CDH13: variants seen among roughly 807,000 people sequenced by gnomAD.
CDH13 encodes cadherin-13.
CDH13 carries 24 observed loss-of-function variants against 63.8 expected under a neutral mutation model. That is an observed-to-expected ratio of 0.38 (90% CI 0.27 to 0.53). The LOEUF (loss-of-function observed/expected upper bound fraction) is 0.53. Among genes scored for constraint, CDH13 ranks in the 20% least tolerant of loss-of-function variants. The pLI, the probability that CDH13 is intolerant of heterozygous loss-of-function variation, is 0.85. For synonymous variants in CDH13, 503 were observed against 355.3 expected (o/e 1.42, Z -4.67); for missense variants, 1,049 against 903.1 (o/e 1.16, Z -2.07).
At chr16:83,152,098 A>AG (rs2037007539) in intron 4 of CDH13, among the ~76,000 whole-genome samples, 1 of 152,340 alleles carries the variant, frequency 6.6e-6, no homozygotes, top group Non-Finnish European at 1.5e-5. Context: ...AGGAAAAAAA[A>AG]GAGCTGAAGT....
chr16:83,739,978 G>C (rs1378290774), intron 10 of CDH13: 1 of 152,182 alleles, frequency 6.6e-6, no homozygotes, highest in East Asian at 1.9e-4. Context: ...ATCCAGAGTG[G>C]CTTCTCTAGG....
At chr16:83,672,441 T>G in intron 9 of CDH13, among the ~76,000 whole-genome samples, 1 of 127,060 alleles carries the variant, frequency 7.9e-6, no homozygotes, top group East Asian at 2.4e-4. Context: ...TTTTTTTTTT[T>G]TTGAGACAGA....
chr16:83,020,345 T>C (rs191375791), intron 2 of CDH13, among the ~76,000 whole-genome samples: 1 of 152,260 alleles, frequency 6.6e-6, no homozygotes, highest in East Asian at 1.9e-4. Context: ...TCTGGCCTCT[T>C]TAATTATTAA....
chr16:83,308,965 G>A (rs2089940629), intron 5 of CDH13, among the ~76,000 whole-genome samples: 1 of 152,036 alleles, frequency 6.6e-6, no homozygotes. Flanking sequence ...AGGGCACCAG[G>A]TCACACTGGG....
chr16:82,743,560 A>C (rs954879182), intron 1 of CDH13, among the ~76,000 whole-genome samples: 5 of 152,212 alleles, frequency 3.3e-5, no homozygotes, highest in Admixed American at 6.5e-5. Context: ...ATCTGTTGGA[A>C]CAAATGCTCC....
chr16:82,937,193 T>G (rs1321334810), intron 2 of CDH13, among the ~76,000 whole-genome samples: 2 of 152,198 alleles, frequency 1.3e-5, no homozygotes, highest in Admixed American at 1.3e-4. Context: ...GCTTTTTCTT[T>G]TTTTTCTGAT....
chr16:83,181,044 C>G, intron 4 of CDH13: 1 of 1,487,910 alleles, frequency 6.7e-7, no homozygotes, highest in South Asian at 1.3e-5. Flanking sequence ...TATTTCAAAT[C>G]CATTTTCTCT....
At chr16:83,404,397 A>G (rs1422463797) in intron 6 of CDH13, among the ~76,000 whole-genome samples, 1 of 152,220 alleles carries the variant, frequency 6.6e-6, no homozygotes, top group African/African-American at 2.4e-5. Context: ...GGTTATGCTT[A>G]TAACGTTGTC....
intron 2 of CDH13, among the ~76,000 whole-genome samples, chr16:83,005,271 G>T (rs1335633083): frequency 6.6e-6 from 1 of 152,180 alleles, no homozygotes; most frequent in African/African-American, 2.4e-5. Context: ...TCCACTCAAA[G>T]ATTAAGTTTG....
intron 6 of CDH13, among the ~76,000 whole-genome samples, chr16:83,450,951 G>A (rs764429323): frequency 5.9e-5 from 9 of 152,138 alleles, no homozygotes; most frequent in Non-Finnish European, 1.3e-4. Context: ...GCATCCCCTG[G>A]AGGGCTTGTG....
At chr16:83,576,426 C>T (rs879910936) in intron 7 of CDH13, among the ~76,000 whole-genome samples, 1 of 152,198 alleles carries the variant, frequency 6.6e-6, no homozygotes, top group Non-Finnish European at 1.5e-5. Flanking sequence ...GGACATTTGG[C>T]ACTGTTTCTA....
intron 7 of CDH13, among the ~76,000 whole-genome samples, chr16:83,549,739 A>C (rs1329058941): frequency 6.6e-6 from 1 of 152,214 alleles, no homozygotes; most frequent in Admixed American, 6.5e-5. Flanking sequence ...CAATAAGAGA[A>C]AGGCAAAGCA....
At chr16:82,863,702 T>G (rs2040025558) in intron 2 of CDH13, among the ~76,000 whole-genome samples, 1 of 152,220 alleles carries the variant, frequency 6.6e-6, no homozygotes, top group Non-Finnish European at 1.5e-5. Flanking sequence ...TATCATTACT[T>G]TCATTCATAG....
intron 1 of CDH13, among the ~76,000 whole-genome samples, chr16:82,836,680 C>T (rs569574490): frequency 3.3e-5 from 5 of 152,124 alleles, no homozygotes; most frequent in African/African-American, 9.7e-5. Context: ...TCACAGCCCA[C>T]GATGATGAGC....
At chr16:83,628,255 C>G (rs943314988) in intron 8 of CDH13, among the ~76,000 whole-genome samples, 3 of 151,874 alleles carry the variant, frequency 2.0e-5, no homozygotes, top group Non-Finnish European at 4.4e-5. Flanking sequence ...ACGCCTCTGA[C>G]ACTACCATGC....
At chr16:82,835,028 C>G (rs1465922556) in intron 1 of CDH13, among the ~76,000 whole-genome samples, 1 of 152,140 alleles carries the variant, frequency 6.6e-6, no homozygotes, top group Non-Finnish European at 1.5e-5. Context: ...TTTCTGATAG[C>G]TCTGCTAAAA....
intron 2 of CDH13, among the ~76,000 whole-genome samples, chr16:83,008,465 T>A (rs1310119772): frequency 6.6e-6 from 1 of 152,132 alleles, no homozygotes; most frequent in East Asian, 1.9e-4. Flanking sequence ...AGGAGACCAG[T>A]GGGGCCGAGT....
intron 5 of CDH13, among the ~76,000 whole-genome samples, chr16:83,267,238 T>A (rs745671395): frequency 3.9e-5 from 6 of 152,130 alleles, no homozygotes; most frequent in Non-Finnish European, 8.8e-5. Flanking sequence ...AGGCTGAAGG[T>A]GCAGGGAAGC....
intron 5 of CDH13, among the ~76,000 whole-genome samples, chr16:83,220,105 T>C (rs2039651980): frequency 6.6e-6 from 1 of 152,220 alleles, no homozygotes; most frequent in South Asian, 2.1e-4. Context: ...AATGGGCTCA[T>C]GAGGGCCTAC....
Sources: allele counts gnomAD v4.1 joint callset (sites outside exome capture counted in the v4.1 genomes callset), GRCh38; gene constraint gnomAD v4.1.1; transcripts MANE v1.5; gene names NCBI Gene and HGNC (gene_info 2026-07-23, HGNC 2026-07-21).